The following TRAPPC9 variants were observed in gnomAD, a reference collection of about 807,000 sequenced individuals.
The protein encoded by TRAPPC9 is trafficking protein particle complex subunit 9.
TRAPPC9 carries 83 observed loss-of-function variants against 124.0 expected under a neutral mutation model. That is an observed-to-expected ratio of 0.67 (90% confidence interval 0.56 to 0.80). The LOEUF is 0.80. Among genes scored for constraint, TRAPPC9 ranks in the 30% least tolerant of loss-of-function variants. TRAPPC9 has a pLI of 0.00. For synonymous variants in TRAPPC9, 638 were observed against 617.5 expected (o/e 1.03, Z -0.49); for missense variants, 1,302 against 1,508.3 (o/e 0.86, Z 2.27).
At chr8:140,453,825 G>A (rs892259286) in intron 1 of TRAPPC9, among the ~76,000 whole-genome samples, 1 of 152,158 alleles carries the variant, frequency 6.6e-6, no homozygotes, top group African/African-American at 2.4e-5. Flanking sequence ...CCAACAAAGA[G>A]GCATAAAACC....
intron 21 of TRAPPC9, among the ~76,000 whole-genome samples, chr8:139,782,564 T>C (rs1315151431): frequency 6.6e-6 from 1 of 152,172 alleles, no homozygotes; most frequent in Non-Finnish European, 1.5e-5. Flanking sequence ...CCAAAATTCG[T>C]TAAGTAAAAT....
At chr8:140,039,105 C>G (rs1414711215) in intron 17 of TRAPPC9, among the ~76,000 whole-genome samples, 1 of 152,218 alleles carries the variant, frequency 6.6e-6, no homozygotes, top group Non-Finnish European at 1.5e-5. Flanking sequence ...ATCATTAGCC[C>G]TACGCTACTG....
intron 17 of TRAPPC9, among the ~76,000 whole-genome samples, chr8:140,134,019 A>G (rs544716013): frequency 2.3e-4 from 35 of 152,278 alleles, no homozygotes; most frequent in African/African-American, 7.9e-4. Flanking sequence ...CCAACAGCTT[A>G]TTTTTTCAGA....
intron 9 of TRAPPC9, among the ~76,000 whole-genome samples, chr8:140,350,808 G>A (rs994622977): frequency 6.6e-6 from 1 of 152,288 alleles, no homozygotes; most frequent in Middle Eastern, 3.4e-3. Context: ...GACAAGGTGG[G>A]AGAGAGGGCA....
rs141441030 is a variant in TRAPPC9, at chr8:140,435,118, G to A, written c.853C>T (p.Arg285Trp). ...GAAAAAGGGCAGAGCTCACCTGGCC[G>A]GTGTCTATTGGCTGCTTCAGCAGGA... Reference protein sequence around the residue: ...TLPAEAANRHRPGAQEVLIDP... With the variant: ...TLPAEAANRHWPGAQEVLIDP... Residue 285 changes from arginine (R) to tryptophan (W), a missense_variant, in exon 4 of 23, where the codon CGG becomes TGG. Coordinates refer to ENST00000438773, the MANE Select transcript of TRAPPC9 (RefSeq NM_001160372.4). The A allele has an allele frequency of 7.0e-4, 1,132 of 1,614,206 alleles. No homozygotes were observed. The highest frequency in any genetic ancestry group is 8.6e-4 in the Non-Finnish European group (1,012 of 1,180,030).
At chr8:140,437,644 A>C (rs1378003336) in intron 3 of TRAPPC9, among the ~76,000 whole-genome samples, 1 of 152,244 alleles carries the variant, frequency 6.6e-6, no homozygotes, top group African/African-American at 2.4e-5. Flanking sequence ...AGAATTTGTT[A>C]TATTTAATAT....
chr8:139,956,286 T>G (rs1181497274), intron 19 of TRAPPC9, among the ~76,000 whole-genome samples: 1 of 151,908 alleles, frequency 6.6e-6, no homozygotes, highest in East Asian at 1.9e-4. Context: ...CTCAGCCTCC[T>G]GAGTAGCTGG....
intron 9 of TRAPPC9, among the ~76,000 whole-genome samples, chr8:140,319,678 G>C (rs531046452): frequency 6.6e-6 from 1 of 150,682 alleles, no homozygotes; most frequent in Non-Finnish European, 1.5e-5. Flanking sequence ...ATGTTGCTCA[G>C]GCTGGTCTTG....
chr8:140,325,748 C>G (rs936748334), intron 9 of TRAPPC9, among the ~76,000 whole-genome samples: 2 of 152,188 alleles, frequency 1.3e-5, no homozygotes, highest in Non-Finnish European at 2.9e-5. Context: ...TACTTCCCAA[C>G]TTGTGTTATG....
At chr8:139,863,217 T>G (rs11779065) in intron 21 of TRAPPC9, among the ~76,000 whole-genome samples, 7 of 152,256 alleles carry the variant, frequency 4.6e-5, no homozygotes, top group Non-Finnish European at 1.0e-4. Flanking sequence ...CCTAGCATGG[T>G]GCCTGATGCA....
intron 19 of TRAPPC9, among the ~76,000 whole-genome samples, chr8:139,988,313 A>G (rs1156791324): frequency 6.6e-6 from 1 of 151,708 alleles, no homozygotes; most frequent in Non-Finnish European, 1.5e-5. Context: ...GGGTTTCACC[A>G]TGTTGGCCAG....
chr8:139,972,588 T>C (rs140407521), intron 19 of TRAPPC9, among the ~76,000 whole-genome samples: 132 of 152,182 alleles, frequency 8.7e-4, no homozygotes, highest in African/African-American at 3.1e-3. Flanking sequence ...CCAGACCACG[T>C]ACAACTCACA....
At chr8:140,255,182 C>T (rs182987128) in intron 15 of TRAPPC9, among the ~76,000 whole-genome samples, 3 of 152,184 alleles carry the variant, frequency 2.0e-5, no homozygotes, top group Non-Finnish European at 4.4e-5. Flanking sequence ...CAGGGGACAG[C>T]GTCCTTGAAA....
chr8:139,965,320 C>G (rs1163028939), intron 19 of TRAPPC9, among the ~76,000 whole-genome samples: 2 of 152,170 alleles, frequency 1.3e-5, no homozygotes, highest in East Asian at 1.9e-4. Flanking sequence ...GAGATTCTCC[C>G]CGCATGACAA....
At chr8:140,436,119 G>A (rs1407727519) in intron 3 of TRAPPC9, among the ~76,000 whole-genome samples, 1 of 152,242 alleles carries the variant, frequency 6.6e-6, no homozygotes. Context: ...GCCAAGGTGG[G>A]TGGATCACTT....
chr8:139,910,812 T>C (rs763955568), intron 19 of TRAPPC9, among the ~76,000 whole-genome samples: 4 of 152,208 alleles, frequency 2.6e-5, no homozygotes, highest in African/African-American at 4.8e-5. Context: ...TTTGGAACGG[T>C]TGCATTTACC....
chr8:139,800,468 C>T (rs940149716), intron 21 of TRAPPC9, among the ~76,000 whole-genome samples: 4 of 152,194 alleles, frequency 2.6e-5, no homozygotes, highest in Admixed American at 2.0e-4. Flanking sequence ...GAAGACAATT[C>T]GGAAAGACCA....
chr8:140,177,418 C>T (rs1353083468), intron 17 of TRAPPC9, among the ~76,000 whole-genome samples: 1 of 152,112 alleles, frequency 6.6e-6, no homozygotes, highest in Non-Finnish European at 1.5e-5. Context: ...TTTGAATTAC[C>T]TTGGCACATT....
intron 17 of TRAPPC9, among the ~76,000 whole-genome samples, chr8:140,168,182 T>C (rs1213246617): frequency 6.6e-6 from 1 of 152,172 alleles, no homozygotes; most frequent in Non-Finnish European, 1.5e-5. Flanking sequence ...AACTTTGTCA[T>C]TTTGTCATCA....
Sources: allele counts gnomAD v4.1 joint callset (sites outside exome capture counted in the v4.1 genomes callset), GRCh38; gene constraint gnomAD v4.1.1; transcripts MANE v1.5; gene names NCBI Gene and HGNC (gene_info 2026-07-23, HGNC 2026-07-21).